Variants in RPS6KC1 observed in about 807,000 individuals in gnomAD.
RPS6KC1 encodes the protein inactive ribosomal protein S6 kinase delta-1.
Under a neutral mutation model 103.8 loss-of-function variants are expected in RPS6KC1, and 54 were observed. That is an observed-to-expected ratio of 0.52 (90% CI 0.42 to 0.65). The LOEUF (loss-of-function observed/expected upper bound fraction) is 0.65. Among genes scored for constraint, RPS6KC1 ranks in the 30% least tolerant of loss-of-function variants. The pLI is 0.00. For missense variants in RPS6KC1, 1,151 were observed against 1,253.8 expected (o/e 0.92, Z 1.24); for synonymous variants, 439 against 438.7 (o/e 1.00, Z -0.01).
the RPS6KC1 span, among the ~76,000 whole-genome samples, chr1:213,422,376 AT>A: frequency 8.3e-3 from 1,269 of 152,318 alleles, 20 homozygotes; most frequent in African/African-American, 0.029. Flanking sequence ...TATATGCCAC[AT>A]TTTGTTTATT....
At chr1:213,320,985 G>T in the RPS6KC1 span, among the ~76,000 whole-genome samples, 5 of 152,184 alleles carry the variant, frequency 3.3e-5, no homozygotes, top group African/African-American at 1.2e-4. Flanking sequence ...GGTAGGACCT[G>T]GGGGCTTTGG....
chr1:213,684,412 C>A, the RPS6KC1 span, among the ~76,000 whole-genome samples: 2 of 152,168 alleles, frequency 1.3e-5, no homozygotes, highest in Non-Finnish European at 2.9e-5. Context: ...TGTCTTCAGT[C>A]CTAGTGTTTC....
At chr1:213,841,045 T>C in the RPS6KC1 span, 1 of 152,250 alleles carries the variant, frequency 6.6e-6, no homozygotes, top group Non-Finnish European at 1.5e-5. Flanking sequence ...CACTTCTCTA[T>C]GGTCTCCCAA....
chr1:213,645,738 T>C, the RPS6KC1 span, among the ~76,000 whole-genome samples: 4 of 152,180 alleles, frequency 2.6e-5, no homozygotes, highest in African/African-American at 9.7e-5. Context: ...CACCCAACCC[T>C]GCAAATCGGA....
the RPS6KC1 span, among the ~76,000 whole-genome samples, chr1:213,783,026 A>G: frequency 6.6e-6 from 1 of 152,140 alleles, no homozygotes; most frequent in Non-Finnish European, 1.5e-5. Context: ...TCATTATTTA[A>G]AATGCTTTTC....
chr1:213,530,857 C>G, the RPS6KC1 span, among the ~76,000 whole-genome samples: 471 of 152,356 alleles, frequency 3.1e-3, 7 homozygotes, highest in Non-Finnish European at 2.0e-3. Flanking sequence ...CCTCATGTCA[C>G]CCTCACTCTG....
the RPS6KC1 span, among the ~76,000 whole-genome samples, chr1:213,742,944 TA>T: frequency 1.4e-4 from 22 of 152,222 alleles, no homozygotes; most frequent in Non-Finnish European, 2.2e-4. Flanking sequence ...GGTGGGAATA[TA>T]AAGTAGTTCA....
chr1:213,787,601 G>A, the RPS6KC1 span, among the ~76,000 whole-genome samples: 3 of 152,124 alleles, frequency 2.0e-5, no homozygotes, highest in Non-Finnish European at 4.4e-5. Context: ...ATGAGGGACA[G>A]GGAAGAGTCA....
intron 8 of RPS6KC1, among the ~76,000 whole-genome samples, chr1:213,210,200 A>C (rs532633916): frequency 6.6e-6 from 1 of 152,252 alleles, no homozygotes; most frequent in East Asian, 1.9e-4. Flanking sequence ...CCCCTGTTCA[A>C]GGTGGAGTTG....
intron 6 of RPS6KC1, among the ~76,000 whole-genome samples, chr1:213,158,547 G>T (rs11806695): frequency 0.036 from 5,551 of 152,294 alleles, 283 homozygotes; most frequent in African/African-American, 0.12. Flanking sequence ...AATATTCAGG[G>T]AAAGCAAAGT....
the RPS6KC1 span, among the ~76,000 whole-genome samples, chr1:213,553,649 G>C: frequency 3.3e-5 from 5 of 151,962 alleles, no homozygotes; most frequent in Non-Finnish European, 7.4e-5. Context: ...CCCACCTGCA[G>C]TGTATCAGCG....
the RPS6KC1 span, among the ~76,000 whole-genome samples, chr1:213,600,761 C>A: frequency 6.6e-6 from 1 of 152,208 alleles, no homozygotes; most frequent in East Asian, 1.9e-4. Context: ...AATAAACAAC[C>A]ATAGGGTGCA....
chr1:213,315,697 C>G, the RPS6KC1 span, among the ~76,000 whole-genome samples: 1 of 152,190 alleles, frequency 6.6e-6, no homozygotes, highest in African/African-American at 2.4e-5. Flanking sequence ...GAGTTCAAAT[C>G]CTGACTGGCT....
chr1:213,801,567 G>A, the RPS6KC1 span, among the ~76,000 whole-genome samples: 2 of 152,192 alleles, frequency 1.3e-5, no homozygotes, highest in Non-Finnish European at 2.9e-5. Context: ...GTGGATTAAT[G>A]TGCATTTGGG....
the RPS6KC1 span, among the ~76,000 whole-genome samples, chr1:213,839,329 T>G: frequency 6.6e-6 from 1 of 152,302 alleles, no homozygotes; most frequent in East Asian, 1.9e-4. Flanking sequence ...CTTTTGTATC[T>G]CTCTTCTCCA....
intron 10 of RPS6KC1, among the ~76,000 whole-genome samples, chr1:213,233,753 A>G (rs1231683333): frequency 6.6e-6 from 1 of 152,114 alleles, no homozygotes; most frequent in Non-Finnish European, 1.5e-5. Context: ...ACGACTTTTA[A>G]ATTTTCTACT....
intron 6 of RPS6KC1, among the ~76,000 whole-genome samples, chr1:213,149,896 G>A (rs746065533): frequency 6.6e-6 from 1 of 152,120 alleles, no homozygotes; most frequent in African/African-American, 2.4e-5. Context: ...TCATTATATA[G>A]TGACCTTGTT....
the RPS6KC1 span, among the ~76,000 whole-genome samples, chr1:213,443,051 G>GT: frequency 6.6e-6 from 1 of 151,874 alleles, no homozygotes; most frequent in South Asian, 2.1e-4. Context: ...TTTGAGAACT[G>GT]TTGGCGGCGA....
chr1:213,406,530 GAGCTGCTCGTGTGT>G, the RPS6KC1 span, among the ~76,000 whole-genome samples: 3 of 152,264 alleles, frequency 2.0e-5, no homozygotes, highest in South Asian at 6.2e-4. Context: ...TGGAGAGGTG[GAGCTGCTCGTGTGT>G]AAAGAGCTCC....
Sources: gnomAD v4.1 joint callset for allele counts (sites outside exome capture counted in the v4.1 genomes callset) on GRCh38, gnomAD v4.1.1 for gene constraint, MANE v1.5 for transcripts, NCBI Gene and HGNC (gene_info 2026-07-23, HGNC 2026-07-21) for gene names.